The following ZFYVE28 variants were observed in gnomAD, a reference collection of about 807,000 sequenced individuals.
ZFYVE28 encodes the protein zinc finger FYVE-type containing 28.
A neutral mutation model predicts 82.1 loss-of-function variants in ZFYVE28; 40 were observed. The observed-to-expected ratio is 0.49, with a 90% CI of 0.38 to 0.63. The LOEUF (loss-of-function observed/expected upper bound fraction) is 0.63. ZFYVE28 is among the 30% of genes least tolerant of loss of function. ZFYVE28 has a pLI of 0.00. For synonymous variants in ZFYVE28, 612 were observed against 546.1 expected (o/e 1.12, Z -1.68); for missense variants, 1,321 against 1,242.1 (o/e 1.06, Z -0.96).
At chr4:2,378,840 G>A (rs1337189202) in intron 1 of ZFYVE28, among the ~76,000 whole-genome samples, 2 of 152,194 alleles carry the variant, frequency 1.3e-5, no homozygotes, top group Non-Finnish European at 2.9e-5. Flanking sequence ...CACAGATCTT[G>A]ATTATTCCCA....
chr4:2,357,754 C>G (rs192207005), intron 1 of ZFYVE28, among the ~76,000 whole-genome samples: 2 of 152,172 alleles, frequency 1.3e-5, no homozygotes, highest in Admixed American at 1.3e-4. Context: ...GAATTTAGGG[C>G]ACTGGATGAC....
In ZFYVE28 at chr4:2,409,344, C is replaced by T. The variant is rs562338175; in HGVS notation, c.39+8941G>A. Among the ~76,000 whole-genome samples the T allele has an allele frequency of 5.9e-5, 9 of 152,090 alleles. No individual in the cohort carries two copies. Among genetic ancestry groups the T allele is most frequent in the African/African-American group, 9.6e-5 (4 of 41,488 alleles). On this transcript the variant is annotated intron_variant, in intron 1 of 12. Coordinates refer to ENST00000290974, the MANE Select transcript of ZFYVE28 (RefSeq NM_020972.3). This position sits in a 1 kb window ranked among gnomAD's most constrained non-coding sequence, Gnocchi z 4.4. ...ACCCACCAGTCCCAGCTTCCAATCT[C>T]GTCTCTCCCACAGCAGGCCTGGAAG...
chr4:2,364,471 C>T lies in ZFYVE28; in HGVS notation c.40-10398G>A, dbSNP rs555192240. 12 of 985,370 alleles carry T rather than the reference C, an allele frequency of 1.2e-5. No individual in the cohort carries two copies. In the African/African-American group the frequency reaches 1.7e-4, roughly 14 times the overall value. The allele number at this position is 985,370 out of a possible 1,614,324, so 61.0% of individuals were successfully genotyped here. On this transcript the variant is annotated intron_variant, in intron 1 of 12. Coordinates refer to ENST00000290974, the MANE Select transcript of ZFYVE28 (RefSeq NM_020972.3). ...TGGCAGCTTTACGTTCAATTCACAT[C>T]AATAAGTACTTTACCCAGAGGGTGG...
intron 10 of ZFYVE28, among the ~76,000 whole-genome samples, 200 bp downstream of exon 10, chr4:2,272,971 CTG>C (rs967951550): frequency 2.6e-5 from 4 of 152,354 alleles, no homozygotes; most frequent in African/African-American, 9.6e-5. Flanking sequence ...GGGCCTGCTG[CTG>C]TGCCCCTTGG....
rs1733052489 is a variant in ZFYVE28 at position 2,416,502 on chromosome 4, C to T, written c.39+1783G>A. On this transcript the variant is annotated intron_variant, in intron 1 of 12. Coordinates refer to ENST00000290974, the MANE Select transcript of ZFYVE28 (RefSeq NM_020972.3). The surrounding 1 kb of genome is among the most constrained non-coding windows in gnomAD (Gnocchi z 4.6). ...ATGCTGCTGCACGCCCCCAAAACGC[C>T]GTTTTACAAGCAGACTTGGTTTTCA... Among the ~76,000 whole-genome samples the T allele has an allele frequency of 6.6e-6, 1 of 152,164 alleles. No individual in the cohort carries two copies. Among genetic ancestry groups the T allele is most frequent in the Non-Finnish European group, 1.5e-5 (1 of 68,036 alleles).
intron 1 of ZFYVE28, among the ~76,000 whole-genome samples, chr4:2,410,500 A>AT (rs1732413536): frequency 2.7e-5 from 1 of 36,630 alleles, no homozygotes; most frequent in Non-Finnish European, 6.5e-5. Flanking sequence ...TTATTTATTT[A>AT]TTTTTATTTT....
At chr4:2,331,322 T>G (rs963931003) in intron 6 of ZFYVE28, among the ~76,000 whole-genome samples, 1 of 151,724 alleles carries the variant, frequency 6.6e-6, no homozygotes, top group Non-Finnish European at 1.5e-5. Flanking sequence ...AGAGGTTTTA[T>G]TTCATTTCTT....
intron 5 of ZFYVE28, among the ~76,000 whole-genome samples, chr4:2,336,723 TAAGGA>T (rs1024487286): frequency 7.8e-6 from 1 of 127,566 alleles, no homozygotes; most frequent in African/African-American, 3.0e-5. Context: ...AGCTAAGGAG[TAAGGA>T]GGTGAGGAGT....
intron 1 of ZFYVE28, among the ~76,000 whole-genome samples, chr4:2,356,060 G>C (rs1725266423): frequency 6.6e-6 from 1 of 152,144 alleles, no homozygotes. Flanking sequence ...TGTGGCCTTG[G>C]CCAGGGTCAC....
At chr4:2,278,479 C>T (rs372651941) in intron 8 of ZFYVE28, among the ~76,000 whole-genome samples, 4 of 152,182 alleles carry the variant, frequency 2.6e-5, no homozygotes, top group South Asian at 2.1e-4. Context: ...TGAGCCACGG[C>T]GCCCAGGCTT....
intron 8 of ZFYVE28, among the ~76,000 whole-genome samples, chr4:2,276,367 T>G (rs1470121947): frequency 1.3e-5 from 2 of 152,170 alleles, no homozygotes; most frequent in African/African-American, 4.8e-5. Flanking sequence ...TACCTTCAGC[T>G]TGGGGGTGTG....
intron 6 of ZFYVE28, among the ~76,000 whole-genome samples, chr4:2,325,953 G>A (rs1719802745): frequency 6.6e-6 from 1 of 151,936 alleles, no homozygotes; most frequent in Non-Finnish European, 1.5e-5. Context: ...CTTTATATAT[G>A]TTGGATATTA....
chr4:2,274,238 G>A lies in ZFYVE28; in HGVS notation c.2052-22C>T, dbSNP rs369781415. 2.9e-5 allele frequency: 47 copies of A among 1,605,606 alleles called. 1 individual carries two copies. Among genetic ancestry groups the A allele is most frequent in the Middle Eastern group, 1.7e-4 (1 of 5,982 alleles). On this transcript the variant is annotated intron_variant, in intron 8 of 12. Coordinates refer to ENST00000290974, the MANE Select transcript of ZFYVE28 (RefSeq NM_020972.3). ...GCTGCTGCATGGAGAAGGAGATACC[G>A]GTGTGTGGGGTGGGGCATGATAAGG...
At position 2,339,735 on chromosome 4, in the gene ZFYVE28, G is replaced by A; in HGVS notation, c.319-80C>T. The A allele has an allele frequency of 7.2e-7, 1 of 1,397,178 alleles. No homozygotes were observed. Among genetic ancestry groups the A allele is most frequent in the Non-Finnish European group, 9.6e-7 (1 of 1,043,166 alleles). 86.5% of individuals were successfully genotyped at this position (1,397,178 alleles called of 1,614,324 possible). A position where few individuals can be genotyped will look rare whatever the true frequency, so the allele number is the denominator to read the frequency against. On this transcript the variant is annotated intron_variant, in intron 3 of 12. Coordinates refer to ENST00000290974, the MANE Select transcript of ZFYVE28 (RefSeq NM_020972.3). The surrounding 1 kb of genome is among the most constrained non-coding windows in gnomAD (Gnocchi z 5.0). The stretch of plus-strand genomic sequence containing the variant: ...GGTCGCCGACCCGGGGAACCTGACT[G>A]CGCACCTCGGGGCCCCTCTTCTCAC...
At chr4:2,380,328 C>T (rs1458274899) in intron 1 of ZFYVE28, among the ~76,000 whole-genome samples, 2 of 152,170 alleles carry the variant, frequency 1.3e-5, no homozygotes, top group East Asian at 1.9e-4. Flanking sequence ...GCCAAGAAAC[C>T]TGCTCTCATG....
chr4:2,403,476 A>G (rs1291329386), intron 1 of ZFYVE28, among the ~76,000 whole-genome samples: 2 of 151,934 alleles, frequency 1.3e-5, no homozygotes, highest in East Asian at 1.9e-4. Flanking sequence ...ACTTCTGAAG[A>G]CCTCCCCAGG....
chr4:2,333,490 A>C (rs1721058510), intron 6 of ZFYVE28, among the ~76,000 whole-genome samples: 1 of 151,930 alleles, frequency 6.6e-6, no homozygotes, highest in South Asian at 2.1e-4. Context: ...CACGGGCAGC[A>C]GACTCAGTGT....
intron 1 of ZFYVE28, among the ~76,000 whole-genome samples, chr4:2,376,216 CT>C (rs55871974): frequency 0.84 from 121,361 of 144,968 alleles, 50,767 homozygotes; most frequent in Admixed American, 0.88. Flanking sequence ...GTTTCTTTTA[CT>C]TTTTTTTTTT....
Position 2,333,937 on chromosome 4 carries a change from T to A in ZFYVE28, c.701+1768A>T, listed in dbSNP as rs528871345. On this transcript the variant is annotated intron_variant, in intron 6 of 12. Transcript: ENST00000290974. ...CAATGTCACCAAATCCTGTGGCCCATGGGAAGGGGCGCTCTGTGCTCTGGG... is the reference window on the plus strand; with the variant it reads ...CAATGTCACCAAATCCTGTGGCCCAAGGGAAGGGGCGCTCTGTGCTCTGGG... Among the ~76,000 whole-genome samples the A allele has an allele frequency of 4.6e-5, 7 of 152,224 alleles. No individual in the cohort carries two copies. In the South Asian group the frequency reaches 1.4e-3, roughly 32 times the overall value.
Sources: gnomAD v4.1 joint callset for allele counts (sites outside exome capture counted in the v4.1 genomes callset) on GRCh38, gnomAD v4.1.1 for gene constraint, Gnocchi (gnomAD v3.1) non-coding constraint, MANE v1.5 for transcripts, NCBI Gene and HGNC (gene_info 2026-07-23, HGNC 2026-07-21) for gene names.